DENND5B: variants seen among roughly 807,000 people sequenced by gnomAD.
The protein encoded by DENND5B is DENN domain-containing protein 5B.
DENND5B carries 34 observed loss-of-function variants against 140.6 expected under a neutral mutation model. The ratio of observed to expected loss-of-function variants is 0.24; its 90% CI spans 0.18 to 0.32. The LOEUF (loss-of-function observed/expected upper bound fraction) is 0.32. Among genes scored for constraint, DENND5B ranks in the 10% least tolerant of loss-of-function variants. The probability of loss-of-function intolerance (pLI) is 1.00; values close to 1 mark genes in which losing one functional copy is unlikely to be tolerated. For missense variants in DENND5B, 1,142 were observed against 1,560.2 expected (o/e 0.73, Z 4.52); for synonymous variants, 551 against 562.1 (o/e 0.98, Z 0.28).
At chr12:31,436,113 T>C (rs1943743779) in intron 7 of DENND5B, among the ~76,000 whole-genome samples, 1 of 146,392 alleles carries the variant, frequency 6.8e-6, no homozygotes, top group South Asian at 2.2e-4. Flanking sequence ...CCCCCCCACT[T>C]TTTTTTTTTG....
chr12:31,433,078 C>G (rs1024111487), intron 8 of DENND5B, 77 bp downstream of exon 8: 2 of 1,192,914 alleles, frequency 1.7e-6, no homozygotes, highest in Non-Finnish European at 2.5e-6. Flanking sequence ...AGAATCTACA[C>G]AATGACATCT....
chr12:31,479,863 C>G lies in DENND5B; in HGVS notation c.630G>C (p.Gln210His), dbSNP rs759292772. Residue 210 changes from glutamine (Q) to histidine (H), a missense_variant, in exon 3 of 21, where the codon CAG becomes CAC. This residue lies in a region of DENND5B where 708 missense variants were observed against 905.5 expected (regional missense o/e 0.78). Transcript: ENST00000389082. ...GCTGTGAGGTAACAGCCTTGTAAAG[C>G]TGGATAAGGAATTTCTTGCAGGCCT... Reference protein sequence around the residue: ...FMQACKKFLIQLYKAVTSQQP... With the variant: ...FMQACKKFLIHLYKAVTSQQP... 2 of 1,613,900 alleles carry G rather than the reference C, an allele frequency of 1.2e-6. No homozygotes were observed. The highest frequency in any genetic ancestry group is 8.5e-7 in the Non-Finnish European group (1 of 1,179,850).
intron 1 of DENND5B, among the ~76,000 whole-genome samples, chr12:31,588,721 G>C (rs574047823): frequency 6.6e-6 from 1 of 152,304 alleles, no homozygotes; most frequent in African/African-American, 2.4e-5. Flanking sequence ...GTTACGGAGA[G>C]ATGATTGTAT....
chr12:31,581,608 G>A (rs190991956), intron 1 of DENND5B, among the ~76,000 whole-genome samples: 186 of 149,358 alleles, frequency 1.2e-3, no homozygotes, highest in African/African-American at 4.4e-3. Context: ...CAGGTGAATC[G>A]CTTGAACCTG....
At chr12:31,390,691 T>C (rs1050331579) in intron 19 of DENND5B, among the ~76,000 whole-genome samples, 2 of 151,242 alleles carry the variant, frequency 1.3e-5, no homozygotes, top group Non-Finnish European at 2.9e-5. Flanking sequence ...ATGTGGCTAA[T>C]GGTTACTATA....
intron 1 of DENND5B, among the ~76,000 whole-genome samples, chr12:31,514,514 G>A (rs1000038128): frequency 6.6e-6 from 1 of 152,108 alleles, no homozygotes; most frequent in African/African-American, 2.4e-5. Flanking sequence ...GACTATGAAG[G>A]TTATTTAATA....
chr12:31,415,192 C>T lies in DENND5B; in HGVS notation c.2552+175G>A, dbSNP rs1942665708. ...TGCATCTTCCATTTGGATTTAATGT[C>T]AGGAAACACTACAATGGTATAAAAA... On this transcript the variant is annotated intron_variant, in intron 12 of 20. Transcript: ENST00000389082. 2.6e-5 allele frequency among the ~76,000 whole-genome samples: 4 copies of T among 152,098 alleles called. No individual in the cohort carries two copies. The South Asian group carries it at 8.3e-4, about 32-fold the overall frequency.
At chr12:31,414,195 C>T (rs1325973119) in intron 12 of DENND5B, among the ~76,000 whole-genome samples, 2 of 152,176 alleles carry the variant, frequency 1.3e-5, no homozygotes, top group Non-Finnish European at 2.9e-5. Flanking sequence ...TCCCAAAGTG[C>T]ATGACCCACT....
intron 1 of DENND5B, among the ~76,000 whole-genome samples, chr12:31,501,327 C>T (rs538714602): frequency 5.9e-5 from 9 of 152,258 alleles, no homozygotes; most frequent in South Asian, 4.1e-4. Context: ...CTTCCCCTTC[C>T]GCCACAATTG....
chr12:31,404,020 T>C (rs708196), intron 14 of DENND5B, among the ~76,000 whole-genome samples: 53,199 of 151,708 alleles, frequency 0.35, 10,613 homozygotes, highest in Non-Finnish European at 0.47. Flanking sequence ...CAGGAGTTCA[T>C]GACCAGCCTG....
intron 1 of DENND5B, among the ~76,000 whole-genome samples, chr12:31,519,953 T>C (rs1474773314): frequency 6.6e-6 from 1 of 152,186 alleles, no homozygotes; most frequent in Non-Finnish European, 1.5e-5. Context: ...AGAGAGACTT[T>C]TTGATATGGT....
intron 6 of DENND5B, among the ~76,000 whole-genome samples, chr12:31,446,852 A>C (rs1429776023): frequency 6.6e-6 from 1 of 150,934 alleles, no homozygotes; most frequent in Non-Finnish European, 1.5e-5. Flanking sequence ...GCGCCACTGC[A>C]CTCCAGCCTG....
chr12:31,396,902 A>G (rs1348764003), intron 17 of DENND5B, among the ~76,000 whole-genome samples: 2 of 152,126 alleles, frequency 1.3e-5, no homozygotes, highest in African/African-American at 4.8e-5. Flanking sequence ...GAAAGAATAC[A>G]TATGATGGCA....
intron 1 of DENND5B, among the ~76,000 whole-genome samples, chr12:31,544,368 A>G (rs1948783131): frequency 6.6e-6 from 1 of 152,118 alleles, no homozygotes; most frequent in Admixed American, 6.5e-5. Context: ...TGTAGCCTCA[A>G]CCTCCAGGGC....
At chr12:31,429,757 A>G (rs1943424550) in intron 8 of DENND5B, among the ~76,000 whole-genome samples, 1 of 151,772 alleles carries the variant, frequency 6.6e-6, no homozygotes, top group Non-Finnish European at 1.5e-5. Flanking sequence ...CCCAGGCTGT[A>G]ATGCAGTGGT....
At chr12:31,422,494 A>G (rs947819320) in intron 11 of DENND5B, among the ~76,000 whole-genome samples, 2 of 151,158 alleles carry the variant, frequency 1.3e-5, no homozygotes, top group East Asian at 1.9e-4. Flanking sequence ...CCAGCTACTC[A>G]GGAGGCTGAG....
chr12:31,390,415 G>T (rs1252051084), intron 19 of DENND5B, among the ~76,000 whole-genome samples: 1 of 152,116 alleles, frequency 6.6e-6, no homozygotes, highest in African/African-American at 2.4e-5. Flanking sequence ...AAGGCGGGCA[G>T]ATCACCTGAG....
At chr12:31,429,661 G>A (rs1036186361) in intron 8 of DENND5B, among the ~76,000 whole-genome samples, 1 of 151,102 alleles carries the variant, frequency 6.6e-6, no homozygotes, top group African/African-American at 2.4e-5. Flanking sequence ...CACTCAACTT[G>A]GCCTCCCAAA....
intron 10 of DENND5B, among the ~76,000 whole-genome samples, chr12:31,424,104 G>A (rs1943137380): frequency 6.6e-6 from 1 of 151,954 alleles, no homozygotes; most frequent in Non-Finnish European, 1.5e-5. Context: ...CGAGGTGAGA[G>A]GAGAAAGAGA....
Sources: allele counts gnomAD v4.1 joint callset (sites outside exome capture counted in the v4.1 genomes callset), GRCh38; gene constraint gnomAD v4.1.1; regional missense constraint gnomAD v4.1.1; transcripts MANE v1.5; gene names NCBI Gene and HGNC (gene_info 2026-07-23, HGNC 2026-07-21).